FSIP2: variants seen among roughly 807,000 people sequenced by gnomAD.
The protein encoded by FSIP2 is fibrous sheath-interacting protein 2.
Under a neutral mutation model 510.5 loss-of-function variants are expected in FSIP2, and 367 were observed. The ratio of observed to expected loss-of-function variants is 0.72; its 90% confidence interval spans 0.66 to 0.78. The LOEUF (loss-of-function observed/expected upper bound fraction) is 0.78, where lower values mean the gene tolerates loss of function less well. Ranked by LOEUF, FSIP2 falls within the 30% of genes least tolerant of loss-of-function variation. FSIP2 has a pLI of 0.00. For synonymous variants in FSIP2, 2,601 were observed against 2,732.2 expected, an observed-to-expected ratio of 0.95 and a Z score of 1.50; for missense variants, 7,594 against 7,901.7, an observed-to-expected ratio of 0.96 and a Z score of 1.48.
rs376091819 is a variant in FSIP2 at position 185,813,766 on chromosome 2, T to C, written c.20049T>C (p.Phe6683=). 36 of 1,613,084 alleles carry C rather than the reference T, an allele frequency of 2.2e-5. No homozygotes were observed. In the African/African-American group the frequency reaches 4.3e-4, roughly 19 times the overall value. Residue 6683 remains phenylalanine (F), a synonymous_variant, in exon 18 of 23, where the codon TTT becomes TTC. Coordinates refer to ENST00000424728, the MANE Select transcript of FSIP2 (RefSeq NM_173651.4). The part of the protein sequence containing the change: ...TFAKEEGIKV[F]EDQVKEVKKP... ...CAAAAGAAGAAGGCATCAAAGTATT[T>C]GAAGATCAAGTGAAAGAAGTCAAGA...
Position 185,800,036 on chromosome 2 carries a change from A to C in FSIP2, c.10730A>C (p.Asp3577Ala). The change falls in exon 17 of 23, where the codon GAC (aspartate) becomes GCC (alanine). Residue 3577 changes from aspartate to alanine, a missense_variant. Physicochemically the swap from Asp to Ala is moderately radical, Grantham distance 126. Coordinates refer to ENST00000424728, the MANE Select transcript of FSIP2 (RefSeq NM_173651.4). ...ILFNNKIIQA[D>A]IAQKMVAIPT... Reference sequence around the variant, plus strand: ...TTTAATAATAAAATTATACAGGCTGACATTGCACAGAAAATGGTTGCCATA... The same window carrying C: ...TTTAATAATAAAATTATACAGGCTGCCATTGCACAGAAAATGGTTGCCATA... The C allele has an allele frequency of 6.5e-7, 1 of 1,527,462 alleles. No homozygotes were observed. Among genetic ancestry groups the C allele is most frequent in the South Asian group, 1.2e-5 (1 of 83,402 alleles). 94.6% of individuals were successfully genotyped at this position (1,527,462 alleles called of 1,614,324 possible).
At chr2:185,809,841 G>A (rs1693688828) in intron 17 of FSIP2, among the ~76,000 whole-genome samples, 2 of 151,738 alleles carry the variant, frequency 1.3e-5, no homozygotes, top group Admixed American at 6.6e-5. Flanking sequence ...CCCATACTCA[G>A]CTCCCAAATA....
intron 13 of FSIP2, among the ~76,000 whole-genome samples, chr2:185,769,255 A>G (rs1692558857): frequency 1.3e-5 from 2 of 152,086 alleles, no homozygotes; most frequent in Non-Finnish European, 2.9e-5. Context: ...CCCACCAACA[A>G]TGTATAAATG....
chr2:185,780,086 AT>A lies in FSIP2; in HGVS notation c.1412-2617del, dbSNP rs1198811629. Among the ~76,000 whole-genome samples, 12 of 151,916 alleles carry A rather than the reference AT, an allele frequency of 7.9e-5. No individual in the cohort carries two copies. The East Asian group carries it at 2.3e-3, about 29-fold the overall frequency. On this transcript the variant is annotated intron_variant, in intron 13 of 22. Transcript: ENST00000424728. Reference sequence around the variant, plus strand: ...ACACTCCATCTCAAAAAAAAAAAAAATTGTTTTGTTTAATTATTTTACTTTT... The same window carrying A: ...ACACTCCATCTCAAAAAAAAAAAAAATGTTTTGTTTAATTATTTTACTTTT...
rs1362676906 is a variant in FSIP2 at position 185,814,022 on chromosome 2, G to A, written c.20305G>A (p.Glu6769Lys). ...GCCTGAAACAGCCTCTTCATCTTGG[G>A]AGGAAAAGCCCCAGTGTAAGGTAAG... ...TMPETASSSW[E>K]EKPQCKKEEK... The change falls in exon 18 of 23, where the codon GAG becomes AAG. Residue 6769 changes from glutamate to lysine, a missense_variant. Coordinates refer to ENST00000424728, the MANE Select transcript of FSIP2 (RefSeq NM_173651.4). 5 of 1,612,244 alleles carry A rather than the reference G, an allele frequency of 3.1e-6. No individual in the cohort carries two copies. In the African/African-American group the frequency reaches 6.7e-5, roughly 22 times the overall value.
In FSIP2 at chr2:185,793,417, T is replaced by C. The variant is rs1321990942; in HGVS notation, c.6281T>C (p.Ile2094Thr). The C allele has an allele frequency of 1.2e-5, 18 of 1,534,010 alleles. No homozygotes were observed. Among genetic ancestry groups the C allele is most frequent in the Non-Finnish European group, 1.5e-5 (17 of 1,145,570 alleles). Residue 2094 changes from isoleucine to threonine, a missense_variant, in exon 16 of 23, where the codon ATT becomes ACT. Transcript: ENST00000424728. Reference sequence around the variant, plus strand: ...CTTCAACTTCAAATACAAGATACCATTGAAGGTATCCTATGTGATATTTAT... The same window carrying C: ...CTTCAACTTCAAATACAAGATACCACTGAAGGTATCCTATGTGATATTTAT... ...KVLQLQIQDT[I>T]EGILCDIYEK...
intron 13 of FSIP2, among the ~76,000 whole-genome samples, chr2:185,767,566 A>G (rs558342254): frequency 1.3e-5 from 2 of 152,150 alleles, no homozygotes; most frequent in South Asian, 4.1e-4. Flanking sequence ...AGCTTATTAC[A>G]CTTAGCATGA....
chr2:185,827,176 T>A (rs1694028201), intron 20 of FSIP2, among the ~76,000 whole-genome samples: 1 of 151,874 alleles, frequency 6.6e-6, no homozygotes, highest in East Asian at 1.9e-4. Flanking sequence ...TTTAGGAATA[T>A]TATCAGCCAA....
Position 185,808,816 on chromosome 2 carries a change from G to C in FSIP2, c.19510G>C (p.Glu6504Gln), listed in dbSNP as rs369471736. ...EHAFNVIPELEQEKLDQNLSE... is the reference protein window; with the variant it reads ...EHAFNVIPELQQEKLDQNLSE... ...TGCTTTTAATGTGATTCCTGAATTA[G>C]AGCAAGAAAAGTTAGATCAAAATTT... is the stretch of plus-strand genomic sequence containing the variant. The change falls in exon 17 of 23, where the codon GAG (glutamate) becomes CAG (glutamine). Residue 6504 changes from glutamate (E) to glutamine (Q), a missense_variant. Physicochemically the swap from Glu to Gln is conservative, Grantham distance 29. Transcript: ENST00000424728. 6.2e-6 allele frequency: 10 copies of C among 1,612,692 alleles called. No homozygotes were observed. Among genetic ancestry groups the C allele is most frequent in the Admixed American group, 5.0e-5 (3 of 59,826 alleles).
At chr2:185,786,364 G>A (rs886696480) in intron 15 of FSIP2, 76 bp downstream of exon 15, 1 of 922,984 alleles carries the variant, frequency 1.1e-6, no homozygotes, top group African/African-American at 1.7e-5. Context: ...AAAACATTTT[G>A]TTAACTAAGT....
rs745372769 is a variant in FSIP2, at chr2:185,805,974, T to C, written c.16668T>C (p.Ser5556=). The change falls in exon 17 of 23, where the codon AGT becomes AGC. Residue 5556 remains serine, a synonymous_variant. Transcript: ENST00000424728. ...KSKDTQEPNL[S]ETFNNNEIEK... ...AAGATACTCAGGAGCCAAATTTGAG[T>C]GAAACATTTAATAATAATGAAATTG... 6.4e-7 allele frequency: 1 copy of C among 1,563,066 alleles called. No homozygotes were observed. The highest frequency in any genetic ancestry group is 8.6e-7 in the Non-Finnish European group (1 of 1,159,652).
At position 185,807,114 on chromosome 2, in the gene FSIP2, G is replaced by T. The variant is rs747423000; in HGVS notation, c.17808G>T (p.Lys5936Asn). The change falls in exon 17 of 23, where the codon AAG (lysine) becomes AAT (asparagine). Residue 5936 changes from lysine (K) to asparagine (N), a missense_variant. Transcript: ENST00000424728. ...NDYGSQDSIW[K>N]NINSNGENLA... ...ATGGATCTCAAGACTCTATTTGGAA[G>T]AATATAAACAGTAATGGAGAAAATT... 1.9e-6 allele frequency: 3 copies of T among 1,598,908 alleles called. No homozygotes were observed. Among genetic ancestry groups the T allele is most frequent in the African/African-American group, 2.7e-5 (2 of 73,874 alleles).
chr2:185,792,212 C>A lies in FSIP2; in HGVS notation c.5076C>A (p.Ser1692=). The A allele has an allele frequency of 6.5e-7, 1 of 1,532,204 alleles. No homozygotes were observed. The highest frequency in any genetic ancestry group is 8.7e-7 in the Non-Finnish European group (1 of 1,144,464). 94.9% of individuals were successfully genotyped at this position (1,532,204 alleles called of 1,614,324 possible). A position where few individuals can be genotyped will look rare whatever the true frequency, so the allele number is the denominator to read the frequency against. Reference sequence around the variant, plus strand: ...AGTTAATTTTAGATGCAGTATCTTCCGATATGTTTAATGAAATGGAATCTG... The same window carrying A: ...AGTTAATTTTAGATGCAGTATCTTCAGATATGTTTAATGAAATGGAATCTG... ...VVKLILDAVS[S]DMFNEMESEG... is the part of the protein sequence containing the mutation. Residue 1692 remains serine, a synonymous_variant, in exon 16 of 23, where the codon TCC becomes TCA. Transcript: ENST00000424728.
intron 13 of FSIP2, chr2:185,765,863 C>T (rs997857835): frequency 1.3e-5 from 2 of 151,102 alleles, no homozygotes; most frequent in Non-Finnish European, 3.0e-5. Context: ...CCTTCACATC[C>T]CTTGTAAGTT....
chr2:185,822,311 A>G (rs1693937854), intron 19 of FSIP2, among the ~76,000 whole-genome samples: 1 of 152,004 alleles, frequency 6.6e-6, no homozygotes, highest in South Asian at 2.1e-4. Flanking sequence ...ATAATGTAGA[A>G]ACCCCTGAAG....
Position 185,808,266 on chromosome 2 carries a change from A to G in FSIP2, c.18960A>G (p.Glu6320=). The change falls in exon 17 of 23, where the codon GAA becomes GAG. Residue 6320 remains glutamate, a synonymous_variant. Coordinates refer to ENST00000424728, the MANE Select transcript of FSIP2 (RefSeq NM_173651.4). ...TTCTGGAAGCTGTCAAAATTATGGA[A>G]AAAGTGATCAAAATTATTGATGAAC... The part of the protein sequence containing the change: ...ELVLEAVKIM[E]KVIKIIDELK... 1 of 1,601,778 alleles carries G rather than the reference A, an allele frequency of 6.2e-7. No homozygotes were observed. The highest frequency in any genetic ancestry group is 1.3e-5 in the African/African-American group (1 of 74,156).
At chr2:185,768,067 A>G (rs987070744) in intron 13 of FSIP2, among the ~76,000 whole-genome samples, 3 of 152,086 alleles carry the variant, frequency 2.0e-5, no homozygotes, top group Non-Finnish European at 2.9e-5. Context: ...GCATTCTAAG[A>G]GATGTGAAGT....
At position 185,803,611 on chromosome 2, in the gene FSIP2, C is replaced by A; in HGVS notation, c.14305C>A (p.Gln4769Lys). Residue 4769 changes from glutamine (Q) to lysine (K), a missense_variant, in exon 17 of 23, where the codon CAA becomes AAA. Coordinates refer to ENST00000424728, the MANE Select transcript of FSIP2 (RefSeq NM_173651.4). ...LSANVLIQRV[Q>K]YDISKSRFQR... ...TGCAAATGTTTTAATACAAAGAGTT[C>A]AATATGATATAAGTAAATCAAGATT... The A allele has an allele frequency of 1.3e-6, 2 of 1,529,830 alleles. No homozygotes were observed. The highest frequency in any genetic ancestry group is 2.4e-5 in the South Asian group (2 of 83,444). 94.8% of individuals were successfully genotyped at this position (1,529,830 alleles called of 1,614,324 possible). A position where few individuals can be genotyped will look rare whatever the true frequency, so the allele number is the denominator to read the frequency against.
chr2:185,831,204 C>G (rs1282051843), intron 21 of FSIP2, among the ~76,000 whole-genome samples: 2 of 151,784 alleles, frequency 1.3e-5, no homozygotes, highest in Non-Finnish European at 2.9e-5. Context: ...TCAAATCTAC[C>G]ATTTTAGAAT....
Sources: allele counts gnomAD v4.1 joint callset (sites outside exome capture counted in the v4.1 genomes callset), GRCh38; gene constraint gnomAD v4.1.1; transcripts MANE v1.5; gene names NCBI Gene and HGNC (gene_info 2026-07-23, HGNC 2026-07-21).